Variants in PPP2R3A observed in about 807,000 individuals in gnomAD.
PPP2R3A encodes protein phosphatase 2 regulatory subunit B''alpha, also known as serine/threonine-protein phosphatase 2A regulatory subunit B'' subunit alpha.
PPP2R3A carries 80 observed loss-of-function variants against 106.9 expected under a neutral mutation model. The observed-to-expected ratio is 0.75, with a 90% CI of 0.62 to 0.90. PPP2R3A has a LOEUF of 0.90. Ranked by LOEUF, PPP2R3A falls within the 40% of genes least tolerant of loss-of-function variation. The pLI, the probability that PPP2R3A is intolerant of heterozygous loss-of-function variation, is 0.00. For missense variants in PPP2R3A, 1,386 were observed against 1,350.4 expected (o/e 1.03, Z -0.41); for synonymous variants, 483 against 468.3 (o/e 1.03, Z -0.41).
intron 4 of PPP2R3A, among the ~76,000 whole-genome samples, chr3:136,044,171 GTTTA>G (rs1264603498): frequency 2.0e-5 from 3 of 152,136 alleles, no homozygotes; most frequent in Non-Finnish European, 4.4e-5. Context: ...TGAAACATGT[GTTTA>G]TTTAACTTTA....
At chr3:136,032,135 T>C (rs1461400395) in intron 3 of PPP2R3A, among the ~76,000 whole-genome samples, 1 of 152,234 alleles carries the variant, frequency 6.6e-6, no homozygotes, top group Non-Finnish European at 1.5e-5. Flanking sequence ...ATATTGATTC[T>C]ACCCATCCAT....
intron 1 of PPP2R3A, among the ~76,000 whole-genome samples, chr3:135,985,329 TTCTCTC>T (rs145190722): frequency 2.1e-4 from 27 of 128,588 alleles, no homozygotes; most frequent in Admixed American, 7.7e-5. Flanking sequence ...CCCTTTCCCT[TTCTCTC>T]TCTCTCTCTC....
At chr3:135,981,355 C>A (rs1937537115) in intron 1 of PPP2R3A, among the ~76,000 whole-genome samples, 1 of 151,506 alleles carries the variant, frequency 6.6e-6, no homozygotes, top group Non-Finnish European at 1.5e-5. Context: ...GTCTTAGGTT[C>A]AAAGAAAATG....
intron 1 of PPP2R3A, among the ~76,000 whole-genome samples, chr3:135,999,543 T>C (rs1471084848): frequency 6.6e-6 from 1 of 152,160 alleles, no homozygotes; most frequent in Non-Finnish European, 1.5e-5. Context: ...AAAGTAATCT[T>C]TGATTCTTTG....
intron 1 of PPP2R3A, among the ~76,000 whole-genome samples, chr3:135,967,642 G>A (rs1026944931): frequency 7.2e-5 from 11 of 152,106 alleles, no homozygotes; most frequent in Admixed American, 2.0e-4. Flanking sequence ...GACAAACATA[G>A]TCCCCACTGA....
At chr3:136,023,546 C>T (rs1934537548) in intron 2 of PPP2R3A, among the ~76,000 whole-genome samples, 1 of 152,046 alleles carries the variant, frequency 6.6e-6, no homozygotes, top group Non-Finnish European at 1.5e-5. Context: ...TAGAAATATC[C>T]TTGAGAAACT....
Position 136,025,050 on chromosome 3 carries a change from A to T in PPP2R3A, c.1996-1782A>T, listed in dbSNP as rs1158772992. On this transcript the variant is annotated intron_variant, in intron 2 of 13. Coordinates refer to ENST00000264977, the MANE Select transcript of PPP2R3A (RefSeq NM_002718.5). ...ATTATTTTATTATTGAATCTGAAAG[A>T]TTATGCCAAATTATGCTTCATCTAA... Among the ~76,000 whole-genome samples, 3 of 152,146 alleles carry T rather than the reference A, an allele frequency of 2.0e-5. No homozygotes were observed. The East Asian group carries it at 5.8e-4, about 29-fold the overall frequency.
chr3:136,095,588 C>T (rs1409987131), intron 10 of PPP2R3A, among the ~76,000 whole-genome samples: 1 of 152,202 alleles, frequency 6.6e-6, no homozygotes, highest in African/African-American at 2.4e-5. Flanking sequence ...GGCCTGTCAT[C>T]CAGATGCCAT....
chr3:135,990,224 A>C (rs1227810514), intron 1 of PPP2R3A, among the ~76,000 whole-genome samples: 1 of 152,138 alleles, frequency 6.6e-6, no homozygotes, highest in African/African-American at 2.4e-5. Flanking sequence ...CTTTTCCCTG[A>C]TCTCATGATT....
intron 10 of PPP2R3A, among the ~76,000 whole-genome samples, chr3:136,097,649 C>T (rs1937247146): frequency 6.6e-6 from 1 of 152,128 alleles, no homozygotes; most frequent in Admixed American, 6.5e-5. Context: ...AATAAGTTGT[C>T]TTTCACTTCA....
intron 13 of PPP2R3A, among the ~76,000 whole-genome samples, chr3:136,140,454 A>AAAAAAAAC (rs1553761405): frequency 1.4e-5 from 2 of 145,288 alleles, no homozygotes; most frequent in African/African-American, 5.6e-5. Context: ...AAAAAAAAAA[A>AAAAAAAAC]AAAAAAAAAA....
At chr3:135,988,117 A>G (rs1932998594) in intron 1 of PPP2R3A, among the ~76,000 whole-genome samples, 1 of 152,088 alleles carries the variant, frequency 6.6e-6, no homozygotes, top group Admixed American at 6.6e-5. Flanking sequence ...TAAAGTTAAC[A>G]TGTCCAAAAC....
chr3:136,035,953 G>A (rs769928040), intron 3 of PPP2R3A, among the ~76,000 whole-genome samples: 44 of 151,824 alleles, frequency 2.9e-4, no homozygotes, highest in Non-Finnish European at 4.6e-4. Flanking sequence ...GTTGGATTGG[G>A]TTAATTTGAA....
chr3:136,030,397 T>G (rs1490407171), intron 3 of PPP2R3A, among the ~76,000 whole-genome samples: 1 of 152,138 alleles, frequency 6.6e-6, no homozygotes, highest in African/African-American at 2.4e-5. Context: ...CTAATTCTCT[T>G]TTTTTCTAAT....
At chr3:136,007,827 G>A (rs188538615) in intron 2 of PPP2R3A, among the ~76,000 whole-genome samples, 1 of 152,256 alleles carries the variant, frequency 6.6e-6, no homozygotes, top group Admixed American at 6.5e-5. Flanking sequence ...GATTTGGGTT[G>A]GAAAAGGATA....
intron 3 of PPP2R3A, among the ~76,000 whole-genome samples, chr3:136,029,416 C>T (rs1576446252): frequency 2.0e-5 from 3 of 152,210 alleles, no homozygotes; most frequent in South Asian, 2.1e-4. Context: ...CTCTGTGGCT[C>T]GGGGCCTTGC....
chr3:136,114,172 T>C (rs1280461223), intron 13 of PPP2R3A, among the ~76,000 whole-genome samples: 3 of 152,036 alleles, frequency 2.0e-5, no homozygotes, highest in Non-Finnish European at 4.4e-5. Context: ...GATCAGGGAA[T>C]TCTCTCCCCT....
intron 1 of PPP2R3A, among the ~76,000 whole-genome samples, chr3:135,973,035 C>T (rs1203150874): frequency 6.6e-6 from 1 of 152,124 alleles, no homozygotes; most frequent in Non-Finnish European, 1.5e-5. Context: ...TGCCAGTTTA[C>T]TCCTGTGTTT....
chr3:136,027,528 G>A (rs1341640694), intron 3 of PPP2R3A, among the ~76,000 whole-genome samples: 1 of 152,130 alleles, frequency 6.6e-6, no homozygotes, highest in East Asian at 1.9e-4. Flanking sequence ...AAATGGATTT[G>A]ACAATAGGAA....
Sources: gnomAD v4.1 joint callset for allele counts (sites outside exome capture counted in the v4.1 genomes callset) on GRCh38, gnomAD v4.1.1 for gene constraint, MANE v1.5 for transcripts, NCBI Gene and HGNC (gene_info 2026-07-23, HGNC 2026-07-21) for gene names.